Variants in LHX8 observed in about 807,000 individuals in gnomAD.
LHX8 encodes LIM homeobox 8.
In LHX8, 12 loss-of-function variants were observed where a neutral mutation model predicts 40.3. The observed-to-expected ratio is 0.30, with a 90% CI of 0.19 to 0.48. LHX8 has a LOEUF of 0.48. Among genes scored for constraint, LHX8 ranks in the 20% least tolerant of loss-of-function variants. The pLI, the probability that LHX8 is intolerant of heterozygous loss-of-function variation, is 0.99. For missense variants in LHX8, 344 were observed against 433.7 expected, an observed-to-expected ratio of 0.79 and a Z score of 1.84; for synonymous variants, 179 against 162.0, an observed-to-expected ratio of 1.10 and a Z score of -0.80.
At chr1:75,179,242 T>A in the LHX8 span, among the ~76,000 whole-genome samples, 2 of 152,194 alleles carry the variant, frequency 1.3e-5, no homozygotes, top group Non-Finnish European at 2.9e-5. Flanking sequence ...ACCTTCTGTC[T>A]CTTTGATCTG....
chr1:75,181,072 C>A, the LHX8 span, among the ~76,000 whole-genome samples: 2 of 152,196 alleles, frequency 1.3e-5, no homozygotes. Flanking sequence ...GCTGATCCTT[C>A]CTCTGGAAGC....
chr1:75,155,433 A>G (rs1648733654), intron 7 of LHX8, among the ~76,000 whole-genome samples: 1 of 151,752 alleles, frequency 6.6e-6, no homozygotes, highest in African/African-American at 2.4e-5. Context: ...ATGGAGTTTC[A>G]CTGTTTTAGC....
At chr1:75,174,766 T>A in the LHX8 span, among the ~76,000 whole-genome samples, 3 of 152,340 alleles carry the variant, frequency 2.0e-5, no homozygotes, top group South Asian at 6.2e-4. Context: ...GCAGATAGAA[T>A]ATATCTTCAC....
the LHX8 span, among the ~76,000 whole-genome samples, chr1:75,192,865 G>T: frequency 6.6e-6 from 1 of 151,950 alleles, no homozygotes; most frequent in Admixed American, 6.6e-5. Flanking sequence ...GCTAATTTTT[G>T]TATTTTTAGT....
chr1:75,177,342 T>C, the LHX8 span, among the ~76,000 whole-genome samples: 1 of 152,042 alleles, frequency 6.6e-6, no homozygotes, highest in Non-Finnish European at 1.5e-5. Context: ...TGTCTTCTTT[T>C]ATTTCGTTGA....
chr1:75,179,604 C>T, the LHX8 span, among the ~76,000 whole-genome samples: 1 of 150,262 alleles, frequency 6.7e-6, no homozygotes, highest in South Asian at 2.1e-4. Flanking sequence ...GATGGGTCTC[C>T]TGAATACAGC....
At chr1:75,144,900 G>A (rs971166928) in intron 6 of LHX8, among the ~76,000 whole-genome samples, 3 of 152,112 alleles carry the variant, frequency 2.0e-5, no homozygotes, top group Non-Finnish European at 2.9e-5. Flanking sequence ...AGACCTGCCA[G>A]TATTTAAGAT....
At chr1:75,180,089 G>A in the LHX8 span, among the ~76,000 whole-genome samples, 1 of 152,112 alleles carries the variant, frequency 6.6e-6, no homozygotes, top group African/African-American at 2.4e-5. Context: ...CCCTTTGTGG[G>A]TAACCCGACC....
At chr1:75,165,390 C>T (rs1191662379), downstream of LHX8, among the ~76,000 whole-genome samples, 2 of 152,226 alleles carry the variant, frequency 1.3e-5, no homozygotes, top group Non-Finnish European at 1.5e-5. Context: ...AAATTTCCCC[C>T]AGTTCCTTGA....
chr1:75,183,217 A>T, the LHX8 span: 1 of 152,234 alleles, frequency 6.6e-6, no homozygotes, highest in African/African-American at 2.4e-5. Context: ...GTTATCATTT[A>T]TGAAAACATC....
chr1:75,149,509 T>C (rs1286789966), intron 7 of LHX8, among the ~76,000 whole-genome samples: 1 of 152,098 alleles, frequency 6.6e-6, no homozygotes, highest in Admixed American at 6.5e-5. Context: ...TGTTGTTTGT[T>C]TTTTGTTTGT....
Position 75,143,277 on chromosome 1 carries a change from A to G in LHX8, c.519A>G (p.Lys173=), listed in dbSNP as rs1648366482. The G allele has an allele frequency of 3.1e-6, 5 of 1,613,728 alleles. No homozygotes were observed. The African/African-American group carries it at 4.0e-5, about 13-fold the overall frequency. The part of the protein sequence containing the change: ...TGEEFALVEE[K]VLCRVHYDCM... ...AGGAGTTTGCTTTGGTGGAAGAGAA[A>G]GTCCTCTGCAGAGTACATTATGACT... Residue 173 remains lysine (K), a synonymous_variant, in exon 5 of 9, where the codon AAA becomes AAG. Coordinates refer to ENST00000356261, the MANE Select transcript of LHX8 (RefSeq NM_001256114.2).
chr1:75,143,768 A>C (rs1417206094), intron 5 of LHX8, 77 bp from the exon 6 acceptor site: 2 of 1,093,614 alleles, frequency 1.8e-6, no homozygotes, highest in Non-Finnish European at 2.8e-6. Flanking sequence ...AAGCCAAGAG[A>C]TATAAGAAAC....
At chr1:75,158,409 C>G (rs1424291482) in intron 8 of LHX8, among the ~76,000 whole-genome samples, 1 of 152,150 alleles carries the variant, frequency 6.6e-6, no homozygotes, top group African/African-American at 2.4e-5. Context: ...TTTATTTCAT[C>G]ATTTTTCCTT....
chr1:75,192,969 C>T, the LHX8 span, among the ~76,000 whole-genome samples: 17 of 152,328 alleles, frequency 1.1e-4, no homozygotes, highest in African/African-American at 3.4e-4. Flanking sequence ...GCTGGGATTA[C>T]AGGCATGAGC....
chr1:75,151,674 A>C (rs116069702), intron 7 of LHX8, among the ~76,000 whole-genome samples: 1,869 of 152,306 alleles, frequency 0.012, 30 homozygotes, highest in African/African-American at 0.038. Flanking sequence ...TTTCTTTGGC[A>C]GGTAGTTCCG....
Position 75,161,203 on chromosome 1 carries a change from A to C in LHX8, c.*308A>C, listed in dbSNP as rs1272669198. 2 of 316,514 alleles carry C rather than the reference A, an allele frequency of 6.3e-6. No homozygotes were observed. Among genetic ancestry groups the C allele is most frequent in the Non-Finnish European group, 1.2e-5 (2 of 168,732 alleles). The allele number at this position is 316,514 out of a possible 1,614,324, so 19.6% of individuals were successfully genotyped here. On this transcript the variant is annotated 3_prime_UTR_variant, in exon 9 of 9. Transcript: ENST00000356261. ...ATCAAAAGAGCACTTTGCCTAAAAG[A>C]AAGGACTGACAAGTGTGCAAAATGT...
At chr1:75,180,151 T>C in the LHX8 span, among the ~76,000 whole-genome samples, 1 of 152,190 alleles carries the variant, frequency 6.6e-6, no homozygotes, top group African/African-American at 2.4e-5. Context: ...CCTTGGTGAA[T>C]CTGACAATAA....
rs748412727 is a variant in LHX8 at position 75,156,991 on chromosome 1, T to G, written c.879T>G (p.Ser293=). ...CAGCAGTCCCACCCTCCAGGCTGTCTCCACCCATGTTAGAAGAAATGGCTT... is the reference window on the plus strand; with the variant it reads ...CAGCAGTCCCACCCTCCAGGCTGTCGCCACCCATGTTAGAAGAAATGGCTT... The part of the protein sequence containing the change: ...PVTAVPPSRL[S]PPMLEEMAYS... The change falls in exon 8 of 9, where the codon TCT becomes TCG. Residue 293 remains serine (S), a synonymous_variant. Coordinates refer to ENST00000356261, the MANE Select transcript of LHX8 (RefSeq NM_001256114.2). 6.2e-7 allele frequency: 1 copy of G among 1,614,160 alleles called. No individual in the cohort carries two copies. Among genetic ancestry groups the G allele is most frequent in the Non-Finnish European group, 8.5e-7 (1 of 1,180,016 alleles).
Sources: gnomAD v4.1 joint callset for allele counts (sites outside exome capture counted in the v4.1 genomes callset) on GRCh38, gnomAD v4.1.1 for gene constraint, MANE v1.5 for transcripts, NCBI Gene and HGNC (gene_info 2026-07-23, HGNC 2026-07-21) for gene names.